KLRD1: variants seen among roughly 807,000 people sequenced by gnomAD.
The protein encoded by KLRD1 is natural killer cells antigen CD94.
KLRD1 carries 21 observed loss-of-function variants against 22.6 expected under a neutral mutation model. The observed-to-expected ratio is 0.93, with a 90% confidence interval of 0.66 to 1.34. The LOEUF (loss-of-function observed/expected upper bound fraction) is 1.34. Ranked by LOEUF, KLRD1 falls within the 40% of genes most tolerant of loss-of-function variation. The pLI is 0.00. For synonymous variants in KLRD1, 59 were observed against 71.1 expected (o/e 0.83, Z 0.85); for missense variants, 183 against 208.6 (o/e 0.88, Z 0.76).
rs1350416039 is a variant in KLRD1 at position 10,317,972 on chromosome 12, GAACAGCAAAGAGGTAACTACCCCCA to G, written c.*3180_*3204del. 2 of 152,100 alleles carry G rather than the reference GAACAGCAAAGAGGTAACTACCCCCA, an allele frequency of 1.3e-5. No homozygotes were observed. The highest frequency in any genetic ancestry group is 4.8e-5 in the African/African-American group (2 of 41,392). 9.4% of individuals were successfully genotyped at this position (152,100 alleles called of 1,614,324 possible). ...AGTGAGAACTCACTCACTATCATGA[GAACAGCAAAGAGGTAACTACCCCCA>G]TGATTAAATTACCTCCTACCAGTTC... is the stretch of plus-strand genomic sequence containing the variant. On this transcript the variant is annotated 3_prime_UTR_variant, in exon 6 of 6. Coordinates refer to ENST00000336164, the MANE Select transcript of KLRD1 (RefSeq NM_002262.5).
intron 5 of KLRD1, 131 bp from the exon 6 acceptor site, chr12:10,314,542 T>TG: frequency 1.4e-6 from 1 of 697,040 alleles, no homozygotes; most frequent in Non-Finnish European, 2.2e-6. Flanking sequence ...TTGTGGTTAC[T>TG]GAAAAAAAAA....
chr12:10,247,732 T>C (rs1949305343), intron 1 of KLRD1, among the ~76,000 whole-genome samples: 1 of 152,138 alleles, frequency 6.6e-6, no homozygotes, highest in Admixed American at 6.5e-5. Flanking sequence ...ACCCATGCTA[T>C]TCTCATGATA....
At chr12:10,314,053 A>C (rs949468669) in intron 5 of KLRD1, among the ~76,000 whole-genome samples, 1 of 152,188 alleles carries the variant, frequency 6.6e-6, no homozygotes, top group Non-Finnish European at 1.5e-5. Context: ...CTCAAGTGAC[A>C]TGAAATTTAG....
At chr12:10,309,249 C>A in intron 1 of KLRD1, 139 bp from the exon 2 acceptor site, 1 of 577,098 alleles carries the variant, frequency 1.7e-6, no homozygotes, top group Non-Finnish European at 3.1e-6. Flanking sequence ...ATTGGAAAGT[C>A]TTCAGTGTTT....
chr12:10,327,205 T>C lies in KLRD1; in HGVS notation c.*12412T>C, dbSNP rs1226099695. On this transcript the variant is annotated 3_prime_UTR_variant, in exon 6 of 6. Transcript: ENST00000336164. ...GCCACCCAAAGACCGTTTAACCATA[T>C]TTGCAAAGTTTATTCCCAAGTTCTC... The C allele has an allele frequency of 1.3e-5, 2 of 152,224 alleles. No individual in the cohort carries two copies. The highest frequency in any genetic ancestry group is 1.3e-4 in the Admixed American group (2 of 15,280). 9.4% of individuals were successfully genotyped at this position (152,224 alleles called of 1,614,324 possible). A position where few individuals can be genotyped will look rare whatever the true frequency, so the allele number is the denominator to read the frequency against.
intron 1 of KLRD1, among the ~76,000 whole-genome samples, chr12:10,257,665 G>C (rs56765350): frequency 6.6e-6 from 1 of 151,190 alleles, no homozygotes; most frequent in Non-Finnish European, 1.5e-5. Flanking sequence ...AACTTTTTGA[G>C]CATATTTAGT....
At chr12:10,281,389 T>A (rs913440167) in intron 1 of KLRD1, among the ~76,000 whole-genome samples, 1 of 152,198 alleles carries the variant, frequency 6.6e-6, no homozygotes, top group Non-Finnish European at 1.5e-5. Flanking sequence ...TTGTGCTTGT[T>A]TGTTACAGCA....
chr12:10,313,986 CT>C (rs925521851), intron 5 of KLRD1, among the ~76,000 whole-genome samples: 15 of 152,092 alleles, frequency 9.9e-5, no homozygotes, highest in African/African-American at 3.6e-4. Flanking sequence ...CTAAATCAAT[CT>C]TCATACAAGA....
chr12:10,298,360 T>G (rs1184202849), intron 1 of KLRD1, among the ~76,000 whole-genome samples: 2 of 152,238 alleles, frequency 1.3e-5, no homozygotes, highest in Non-Finnish European at 2.9e-5. Flanking sequence ...TTCTTGGAGA[T>G]TTAAAGTTTT....
Position 10,317,029 on chromosome 12 carries a change from T to TGC in KLRD1, c.*2237_*2238insCG, listed in dbSNP as rs1950247746. On this transcript the variant is annotated 3_prime_UTR_variant, in exon 6 of 6. Transcript: ENST00000336164. ...ACTCCCACTTATTAGTAAGAACATGTGGTGTTTGGTTTTCTGTTCCTGTGT... is the reference window on the plus strand; with the variant it reads ...ACTCCCACTTATTAGTAAGAACATGTGCGGTGTTTGGTTTTCTGTTCCTGTGT... 6.6e-6 allele frequency: 1 copy of TGC among 151,862 alleles called. No homozygotes were observed. The highest frequency in any genetic ancestry group is 2.4e-5 in the African/African-American group (1 of 41,288). 9.4% of individuals were successfully genotyped at this position (151,862 alleles called of 1,614,324 possible).
chr12:10,243,995 T>C (rs1323764402), intron 1 of KLRD1, among the ~76,000 whole-genome samples: 1 of 152,164 alleles, frequency 6.6e-6, no homozygotes, highest in Non-Finnish European at 1.5e-5. Flanking sequence ...TGCCTGTCTA[T>C]GTGGTTAGAA....
At chr12:10,248,912 C>T (rs774689865) in intron 1 of KLRD1, among the ~76,000 whole-genome samples, 5 of 151,802 alleles carry the variant, frequency 3.3e-5, no homozygotes, top group African/African-American at 9.7e-5. Flanking sequence ...GTATACTTTC[C>T]GCTTGATGAT....
intron 1 of KLRD1, among the ~76,000 whole-genome samples, chr12:10,275,883 G>A (rs1949587827): frequency 2.0e-5 from 3 of 152,106 alleles, no homozygotes; most frequent in African/African-American, 4.8e-5. Flanking sequence ...AGTAAAGATA[G>A]ATATTACCAC....
chr12:10,290,648 CT>C (rs1387149139), intron 1 of KLRD1, among the ~76,000 whole-genome samples: 1 of 152,084 alleles, frequency 6.6e-6, no homozygotes, highest in African/African-American at 2.4e-5. Context: ...CAACTCTCCC[CT>C]AATAAACAAA....
At chr12:10,255,978 GTT>G in intron 1 of KLRD1, among the ~76,000 whole-genome samples, 1 of 152,132 alleles carries the variant, frequency 6.6e-6, no homozygotes, top group East Asian at 1.9e-4. Flanking sequence ...TTATGTCAAA[GTT>G]TGTTTCATAT....
intron 1 of KLRD1, among the ~76,000 whole-genome samples, chr12:10,256,593 C>T (rs1349796481): frequency 1.3e-5 from 2 of 151,684 alleles, no homozygotes; most frequent in Non-Finnish European, 2.9e-5. Flanking sequence ...AACTCTACTC[C>T]TACACAGCTC....
Position 10,314,840 on chromosome 12 carries a change from T to G in KLRD1, c.*47T>G. ...GTGGAGAGTAAAGACCCAACATTAC[T>G]AACAATGATACAGTTGCATGTTATA... On this transcript the variant is annotated 3_prime_UTR_variant, in exon 6 of 6. Coordinates refer to ENST00000336164, the MANE Select transcript of KLRD1 (RefSeq NM_002262.5). 1 of 1,532,550 alleles carries G rather than the reference T, an allele frequency of 6.5e-7. No individual in the cohort carries two copies. The highest frequency in any genetic ancestry group is 1.2e-5 in the South Asian group (1 of 83,686). The allele number at this position is 1,532,550 out of a possible 1,614,324, so 94.9% of individuals were successfully genotyped here.
chr12:10,257,303 C>A (rs1423560018), intron 1 of KLRD1, among the ~76,000 whole-genome samples: 1 of 150,482 alleles, frequency 6.6e-6, no homozygotes, highest in African/African-American at 2.4e-5. Context: ...TGGCAAATTT[C>A]TTTATTTTTT....
chr12:10,267,018 G>C (rs1005817461), intron 1 of KLRD1, among the ~76,000 whole-genome samples: 1 of 150,724 alleles, frequency 6.6e-6, no homozygotes, highest in African/African-American at 2.4e-5. Flanking sequence ...GTGCCATGTT[G>C]GTGTGCTGCA....
Sources: gnomAD v4.1 joint callset for allele counts (sites outside exome capture counted in the v4.1 genomes callset) on GRCh38, gnomAD v4.1.1 for gene constraint, MANE v1.5 for transcripts, NCBI Gene and HGNC (gene_info 2026-07-23, HGNC 2026-07-21) for gene names.